KCTD19: variants seen among roughly 807,000 people sequenced by gnomAD.
KCTD19 encodes the protein BTB/POZ domain-containing protein KCTD19.
In KCTD19, 67 loss-of-function variants were observed where a neutral mutation model predicts 103.5. The ratio of observed to expected loss-of-function variants is 0.65; its 90% CI spans 0.53 to 0.79. KCTD19 has a LOEUF of 0.79. Among genes scored for constraint, KCTD19 ranks in the 30% least tolerant of loss-of-function variants. The probability of loss-of-function intolerance (pLI) is 0.00; values close to 1 mark genes in which losing one functional copy is unlikely to be tolerated. For synonymous variants in KCTD19, 439 were observed against 452.2 expected (o/e 0.97, Z 0.37); for missense variants, 980 against 1,136.1 (o/e 0.86, Z 1.98).
At chr16:67,299,747 A>G (rs1037225650) in intron 5 of KCTD19, 174 bp from the exon 6 acceptor site, 4 of 596,206 alleles carry the variant, frequency 6.7e-6, no homozygotes, top group African/African-American at 1.9e-5. Flanking sequence ...ATTTTTTTGT[A>G]TACTCAGGCT....
In KCTD19 at chr16:67,320,792, G is replaced by C; in HGVS notation, c.97C>G (p.Gln33Glu). 6.2e-7 allele frequency: 1 copy of C among 1,614,174 alleles called. No individual in the cohort carries two copies. Among genetic ancestry groups the C allele is most frequent in the Non-Finnish European group, 8.5e-7 (1 of 1,180,010 alleles). The change falls in exon 2 of 16, where the codon CAG becomes GAG. Residue 33 changes from glutamine to glutamate, a missense_variant. Physicochemically the swap from Gln to Glu is conservative, Grantham distance 29. Transcript: ENST00000304372. This position sits in a 1 kb window ranked among gnomAD's most constrained non-coding sequence, Gnocchi z 4.0. ...TTCCACAGCAGGGAGTCTGGAAACT[G>C]AGAGAGTTTGCTTCTGGGAACTGAG... ...HFSVPRSKLS[Q>E]FPDSLLWKEA...
At chr16:67,322,051 A>G (rs759042042) in intron 1 of KCTD19, 16 of 152,230 alleles carry the variant, frequency 1.1e-4, no homozygotes, top group Non-Finnish European at 2.1e-4. Flanking sequence ...AAGGATAAAT[A>G]TAAAGATAAG....
At chr16:67,299,643 C>T (rs758909370) in intron 5 of KCTD19, 70 bp from the exon 6 acceptor site, 24 of 1,320,124 alleles carry the variant, frequency 1.8e-5, no homozygotes, top group Middle Eastern at 1.8e-4. Context: ...CTTTGGGGCT[C>T]GGTTCCTACT....
At chr16:67,297,988 C>CT (rs369980197) in intron 6 of KCTD19, among the ~76,000 whole-genome samples, 1,820 of 134,774 alleles carry the variant, frequency 0.014, 17 homozygotes, top group African/African-American at 0.019. Flanking sequence ...GACGGGGTTT[C>CT]TTTTTTTTTT....
rs1042046722 is a variant in KCTD19, at chr16:67,293,496, C to T, written c.2218+48G>A. The stretch of plus-strand genomic sequence containing the variant: ...TCTGCCATCTTGGCCAAAGAGTTTG[C>T]CTTCTCTGTTGTGAATAAGACTTAG... On this transcript the variant is annotated intron_variant, in intron 12 of 15. Transcript: ENST00000304372. This position sits in a 1 kb window ranked among gnomAD's most constrained non-coding sequence, Gnocchi z 4.0. The T allele has an allele frequency of 6.3e-7, 1 of 1,576,398 alleles. No individual in the cohort carries two copies. Among genetic ancestry groups the T allele is most frequent in the East Asian group, 2.3e-5 (1 of 44,370 alleles).
intron 12 of KCTD19, among the ~76,000 whole-genome samples, chr16:67,292,726 A>G (rs190930325): frequency 3.3e-5 from 5 of 152,322 alleles, no homozygotes; most frequent in Admixed American, 1.3e-4. Flanking sequence ...ACCTTCCCTT[A>G]GCTGGCTACA....
In KCTD19 at chr16:67,319,688, TATA is replaced by T. The variant is rs34930442; in HGVS notation, c.300+898_300+900del. On this transcript the variant is annotated intron_variant, in intron 2 of 15. Transcript: ENST00000304372. Reference sequence around the variant, plus strand: ...TATAAGTAAAGGTATTTAAAGCTCTTATAATAATAATAATAATAATAATAATAA... The same window carrying T: ...TATAAGTAAAGGTATTTAAAGCTCTTATAATAATAATAATAATAATAATAA... 3.0e-3 allele frequency among the ~76,000 whole-genome samples: 441 copies of T among 148,298 alleles called. 2 individuals are homozygous for T. Among genetic ancestry groups the T allele is most frequent in the Non-Finnish European group, 4.8e-3 (321 of 67,304 alleles).
intron 2 of KCTD19, among the ~76,000 whole-genome samples, chr16:67,318,857 GAAA>G (rs112956210): frequency 6.7e-6 from 1 of 148,182 alleles, no homozygotes; most frequent in Non-Finnish European, 1.5e-5. Flanking sequence ...TGGGGCAGTT[GAAA>G]AAAAAATTAA....
intron 5 of KCTD19, among the ~76,000 whole-genome samples, 176 bp downstream of exon 5, chr16:67,301,615 C>G (rs943999449): frequency 2.6e-5 from 4 of 152,142 alleles, no homozygotes; most frequent in Admixed American, 6.5e-5. Flanking sequence ...GCCGGCAGGG[C>G]AGCACACAGG....
Position 67,290,953 on chromosome 16 carries a change from CT to C in KCTD19, c.2598del (p.Asp867IlefsTer81), listed in dbSNP as rs2036682839. On this transcript the variant is annotated frameshift_variant, in exon 15 of 16. Transcript: ENST00000304372. LOFTEE classifies it high-confidence loss of function. ...TTGAAGCCGGTGATGGCCAGCAAAT[CT>C]ACCACAAACTGCTTGGGGCTGATGT... Reference protein sequence around the residue: ...TLHISPKQFVVDLLAITGFKD... With the variant: ...TLHISPKQFVXDLLAITGFKD... 1 of 1,614,050 alleles carries C rather than the reference CT, an allele frequency of 6.2e-7. No homozygotes were observed. The highest frequency in any genetic ancestry group is 8.5e-7 in the Non-Finnish European group (1 of 1,180,020).
intron 2 of KCTD19, among the ~76,000 whole-genome samples, chr16:67,304,960 G>T (rs565243240): frequency 2.6e-5 from 4 of 152,204 alleles, no homozygotes; most frequent in Non-Finnish European, 5.9e-5. Context: ...GAACCACCGC[G>T]CCCAGCGACT....
intron 7 of KCTD19, 41 bp downstream of exon 7, chr16:67,297,462 C>T (rs2036777814): frequency 3.8e-6 from 6 of 1,596,108 alleles, no homozygotes; most frequent in Admixed American, 1.7e-5. Flanking sequence ...CCCAGATACT[C>T]CCCTGATGCT....
intron 2 of KCTD19, among the ~76,000 whole-genome samples, chr16:67,305,220 TC>T (rs2036879642): frequency 6.6e-6 from 1 of 152,228 alleles, no homozygotes; most frequent in Admixed American, 6.5e-5. Context: ...AAAATCACTT[TC>T]AACCTGTTAT....
chr16:67,298,276 A>G (rs989720775), intron 6 of KCTD19, among the ~76,000 whole-genome samples: 1 of 152,052 alleles, frequency 6.6e-6, no homozygotes, highest in Non-Finnish European at 1.5e-5. Context: ...TACAGGTGTG[A>G]GCCACCGCGC....
chr16:67,296,114 G>A, intron 8 of KCTD19, 45 bp downstream of exon 8: 3 of 1,118,680 alleles, frequency 2.7e-6, no homozygotes, highest in South Asian at 2.5e-5. Flanking sequence ...AGCAGCTCAG[G>A]TGGTGATGCC....
chr16:67,292,917 T>C (rs2036716608), intron 12 of KCTD19, among the ~76,000 whole-genome samples: 1 of 152,086 alleles, frequency 6.6e-6, no homozygotes, highest in Non-Finnish European at 1.5e-5. Flanking sequence ...GAAACCTGGC[T>C]TCTCCTTGGC....
In KCTD19 at chr16:67,293,651, C is replaced by G. The variant is rs1344093409; in HGVS notation, c.2111G>C (p.Gly704Ala). Residue 704 changes from glycine (G) to alanine (A), a missense_variant, in exon 12 of 16, where the codon GGA becomes GCA. Physicochemically the swap from Gly to Ala is moderately conservative, Grantham distance 60. Transcript: ENST00000304372. The surrounding 1 kb of genome is among the most constrained non-coding windows in gnomAD (Gnocchi z 4.0). Reference protein sequence around the residue: ...EKDPGPQAGAGAGAKDKGPEP... With the variant: ...EKDPGPQAGAAAGAKDKGPEP... ...TGGCCCCTTGTCTTTCGCTCCAGCTCCAGCCCCTGCCTGTGGTCCTGGATC... is the reference window on the plus strand; with the variant it reads ...TGGCCCCTTGTCTTTCGCTCCAGCTGCAGCCCCTGCCTGTGGTCCTGGATC... 1 of 1,613,906 alleles carries G rather than the reference C, an allele frequency of 6.2e-7. No individual in the cohort carries two copies. Among genetic ancestry groups the G allele is most frequent in the Non-Finnish European group, 8.5e-7 (1 of 1,180,032 alleles).
intron 7 of KCTD19, 98 bp downstream of exon 7, chr16:67,297,405 C>T: frequency 2.5e-6 from 3 of 1,207,974 alleles, no homozygotes; most frequent in Non-Finnish European, 3.5e-6. Context: ...CCTCCTCCTC[C>T]ATCTACAGTT....
At chr16:67,295,511 T>A in intron 8 of KCTD19, 106 bp from the exon 9 acceptor site, 1 of 1,072,646 alleles carries the variant, frequency 9.3e-7, no homozygotes, top group East Asian at 2.4e-5. Flanking sequence ...GAGCAGAGGC[T>A]TTGAGATTCC....
Sources: allele counts gnomAD v4.1 joint callset (sites outside exome capture counted in the v4.1 genomes callset), GRCh38; gene constraint gnomAD v4.1.1; non-coding constraint Gnocchi (gnomAD v3.1); transcripts MANE v1.5; gene names NCBI Gene and HGNC (gene_info 2026-07-23, HGNC 2026-07-21).